UNC13C: variants seen among roughly 807,000 people sequenced by gnomAD.
The protein encoded by UNC13C is unc-13 homolog C, also known as protein unc-13 homolog C.
Under a neutral mutation model 245.4 loss-of-function variants are expected in UNC13C, and 174 were observed. That is an observed-to-expected ratio of 0.71 (90% CI 0.63 to 0.80). The LOEUF is 0.80. Ranked by LOEUF, UNC13C falls within the 30% of genes least tolerant of loss-of-function variation. UNC13C has a pLI of 0.00. For missense variants in UNC13C, 2,829 were observed against 2,602.9 expected, an observed-to-expected ratio of 1.09 and a Z score of -1.89; for synonymous variants, 992 against 895.1, an observed-to-expected ratio of 1.11 and a Z score of -1.93.
chr15:54,501,020 G>A (rs1316485262), intron 22 of UNC13C, 42 bp downstream of exon 22: 2 of 1,596,630 alleles, frequency 1.3e-6, no homozygotes, highest in South Asian at 2.3e-5. Context: ...CTGGGTCTGT[G>A]GCAATCTGAA....
rs143754780 is a variant in UNC13C at position 54,161,390 on chromosome 15, C to T, written c.3071+17706C>T. Among the ~76,000 whole-genome samples, 837 of 152,184 alleles carry T rather than the reference C, an allele frequency of 5.5e-3. 12 individuals are homozygous for T. Among genetic ancestry groups the T allele is most frequent in the African/African-American group, 0.019 (805 of 41,508 alleles). On this transcript the variant is annotated intron_variant, in intron 4 of 32. Transcript: ENST00000260323. ...TTCTTTCTGCCAGGTACATGGACAT[C>T]GTTTGACAGTGGTACAAGTCCGCTA...
chr15:54,408,212 A>C (rs1053019258), intron 18 of UNC13C, among the ~76,000 whole-genome samples: 1 of 145,146 alleles, frequency 6.9e-6, no homozygotes, highest in Non-Finnish European at 1.5e-5. Flanking sequence ...AAAAAAAAAA[A>C]AAAAAAAAAA....
At position 54,237,674 on chromosome 15, in the gene UNC13C, T is replaced by C; in HGVS notation, c.3212T>C (p.Leu1071Pro). The change falls in exon 7 of 33, where the codon CTA becomes CCA. Residue 1071 changes from leucine (L) to proline (P), a missense_variant. Coordinates refer to ENST00000260323, the MANE Select transcript of UNC13C (RefSeq NM_001080534.3). ...CTGGCTATGGTGATTAGGACATCCCTAAATAATGAGGAACTGGTAAGTACT... is the reference window on the plus strand; with the variant it reads ...CTGGCTATGGTGATTAGGACATCCCCAAATAATGAGGAACTGGTAAGTACT... ...LSLAMVIRTS[L>P]NNEELKMHVF... 1 of 1,611,432 alleles carries C rather than the reference T, an allele frequency of 6.2e-7. No homozygotes were observed. The highest frequency in any genetic ancestry group is 8.5e-7 in the Non-Finnish European group (1 of 1,178,830).
chr15:54,368,762 T>C (rs537043669), intron 17 of UNC13C, among the ~76,000 whole-genome samples: 166 of 152,286 alleles, frequency 1.1e-3, no homozygotes, highest in Middle Eastern at 3.4e-3. Context: ...TTGCTTTTTG[T>C]TTCACAGAAT....
chr15:54,480,767 G>C (rs911332869), intron 19 of UNC13C, among the ~76,000 whole-genome samples: 1 of 152,032 alleles, frequency 6.6e-6, no homozygotes, highest in Non-Finnish European at 1.5e-5. Context: ...CAGGTGTCAT[G>C]TTTCCTTGCT....
chr15:54,613,184 A>G (rs1194446914), intron 30 of UNC13C, among the ~76,000 whole-genome samples: 1 of 151,918 alleles, frequency 6.6e-6, no homozygotes, highest in Non-Finnish European at 1.5e-5. Context: ...CAATTAGTAT[A>G]TAAAATTAAA....
At chr15:54,526,235 T>C (rs1895451100) in intron 25 of UNC13C, among the ~76,000 whole-genome samples, 1 of 152,138 alleles carries the variant, frequency 6.6e-6, no homozygotes, top group Non-Finnish European at 1.5e-5. Flanking sequence ...GATATGAATC[T>C]AAAGAAAGAT....
At chr15:54,266,594 G>A (rs981227405) in intron 10 of UNC13C, among the ~76,000 whole-genome samples, 2 of 152,028 alleles carry the variant, frequency 1.3e-5, no homozygotes, top group African/African-American at 4.8e-5. Flanking sequence ...GATGCAGCTA[G>A]AGCTTCCAGT....
chr15:54,049,515 C>G (rs768810814), intron 2 of UNC13C: 7 of 320,770 alleles, frequency 2.2e-5, no homozygotes, highest in Middle Eastern at 7.7e-4. Flanking sequence ...TGATGGAATT[C>G]CAATAAGTTC....
At chr15:53,929,765 G>T in the UNC13C span, among the ~76,000 whole-genome samples, 1 of 152,076 alleles carries the variant, frequency 6.6e-6, no homozygotes, top group South Asian at 2.1e-4. Context: ...TGCACCCATT[G>T]GAAAGTTTTA....
chr15:54,353,240 G>C (rs2039023251), intron 17 of UNC13C, among the ~76,000 whole-genome samples: 1 of 152,110 alleles, frequency 6.6e-6, no homozygotes, highest in Admixed American at 6.6e-5. Flanking sequence ...AACTGAAATA[G>C]TGTCAGATGC....
intron 16 of UNC13C, among the ~76,000 whole-genome samples, chr15:54,334,889 C>A (rs955690853): frequency 5.3e-5 from 8 of 152,120 alleles, no homozygotes; most frequent in East Asian, 1.9e-4. Flanking sequence ...ATCTACCATG[C>A]CTCCTTGTTT....
intron 4 of UNC13C, among the ~76,000 whole-genome samples, chr15:54,216,799 G>A (rs893224818): frequency 1.2e-4 from 18 of 151,830 alleles, no homozygotes; most frequent in South Asian, 4.1e-4. Context: ...TTGTTGTTCC[G>A]CTGAGGGTAA....
the UNC13C span, among the ~76,000 whole-genome samples, chr15:53,935,119 T>A: frequency 1.3e-5 from 2 of 151,246 alleles, no homozygotes; most frequent in African/African-American, 2.4e-5. Flanking sequence ...TATCTCCTAC[T>A]TTTCTTCTTT....
At chr15:54,252,681 A>T (rs1264236970) in intron 8 of UNC13C, among the ~76,000 whole-genome samples, 1 of 152,196 alleles carries the variant, frequency 6.6e-6, no homozygotes, top group Non-Finnish European at 1.5e-5. Flanking sequence ...GTGACACTAT[A>T]TATGAGATAA....
At chr15:54,262,433 T>C (rs918641387) in intron 8 of UNC13C, among the ~76,000 whole-genome samples, 5 of 152,194 alleles carry the variant, frequency 3.3e-5, no homozygotes, top group Non-Finnish European at 7.3e-5. Flanking sequence ...CACTGTCCTT[T>C]CCATTTAGTG....
chr15:54,264,097 T>C, intron 8 of UNC13C, 71 bp from the exon 9 acceptor site: 1 of 1,459,114 alleles, frequency 6.9e-7, no homozygotes, highest in Non-Finnish European at 9.4e-7. Flanking sequence ...CCTCCTCCTT[T>C]TCCTCCCTCC....
At chr15:54,163,047 T>G (rs890238316) in intron 4 of UNC13C, among the ~76,000 whole-genome samples, 1 of 152,162 alleles carries the variant, frequency 6.6e-6, no homozygotes, top group African/African-American at 2.4e-5. Flanking sequence ...TGCAAAGATG[T>G]CCGCATCCTA....
the UNC13C span, among the ~76,000 whole-genome samples, chr15:53,850,499 A>G: frequency 3.7e-4 from 57 of 152,292 alleles, 1 homozygote; most frequent in Non-Finnish European, 7.1e-4. Flanking sequence ...AAGTTCTTTA[A>G]AAGGTTGTCA....
Sources: gnomAD v4.1 joint callset for allele counts (sites outside exome capture counted in the v4.1 genomes callset) on GRCh38, gnomAD v4.1.1 for gene constraint, MANE v1.5 for transcripts, NCBI Gene and HGNC (gene_info 2026-07-23, HGNC 2026-07-21) for gene names.